Variants in RFX7 observed in about 807,000 individuals in gnomAD.
RFX7 encodes DNA-binding protein RFX7.
RFX7 carries 26 observed loss-of-function variants against 111.8 expected under a neutral mutation model. The observed-to-expected ratio is 0.23, with a 90% CI of 0.17 to 0.32. The LOEUF (loss-of-function observed/expected upper bound fraction) is 0.32, where lower values mean the gene tolerates loss of function less well. RFX7 is among the 10% of genes least tolerant of loss of function. RFX7 has a pLI of 1.00. For synonymous variants in RFX7, 624 were observed against 624.4 expected, an observed-to-expected ratio of 1.00 and a Z score of 0.01; for missense variants, 1,573 against 1,772.9, an observed-to-expected ratio of 0.89 and a Z score of 2.02.
At chr15:56,156,564 TGA>T (rs1368513788) in intron 3 of RFX7, among the ~76,000 whole-genome samples, 1 of 152,068 alleles carries the variant, frequency 6.6e-6, no homozygotes, top group Non-Finnish European at 1.5e-5. Flanking sequence ...TGGCCTTGTG[TGA>T]GAGTTTTTTC....
At chr15:56,122,270 G>T (rs1317015946) in intron 5 of RFX7, among the ~76,000 whole-genome samples, 1 of 152,084 alleles carries the variant, frequency 6.6e-6, no homozygotes, top group Non-Finnish European at 1.5e-5. Flanking sequence ...TGTGGTTCTT[G>T]CAGATTCACA....
At chr15:56,151,989 T>C (rs1224367206) in intron 3 of RFX7, among the ~76,000 whole-genome samples, 3 of 152,164 alleles carry the variant, frequency 2.0e-5, no homozygotes, top group African/African-American at 7.2e-5. Context: ...AAGGGAACAA[T>C]GTAGCAAGAA....
intron 5 of RFX7, among the ~76,000 whole-genome samples, chr15:56,104,843 A>G (rs1323977571): frequency 6.6e-6 from 1 of 152,190 alleles, no homozygotes; most frequent in Non-Finnish European, 1.5e-5. Flanking sequence ...CACATCACCA[A>G]CAATGCTACG....
At chr15:56,167,553 A>G (rs188747810) in intron 3 of RFX7, among the ~76,000 whole-genome samples, 45 of 152,332 alleles carry the variant, frequency 3.0e-4, no homozygotes, top group African/African-American at 1.1e-3. Context: ...ATGACATTAT[A>G]CATCTAAAAA....
intron 5 of RFX7, among the ~76,000 whole-genome samples, chr15:56,131,110 T>TA (rs200498255): frequency 0.14 from 19,652 of 142,018 alleles, 1,625 homozygotes; most frequent in East Asian, 0.44. Context: ...AAAGATAGCA[T>TA]AAAAAAAAAA....
At chr15:56,243,068 CTTTG>C in intron 2 of RFX7, 53 bp downstream of exon 2, 13 of 1,244,918 alleles carry the variant, frequency 1.0e-5, no homozygotes, top group African/African-American at 1.5e-5. Flanking sequence ...CCCCCACCCA[CTTTG>C]CAGCAGAAAT....
At chr15:56,195,973 T>C (rs912253513) in intron 2 of RFX7, among the ~76,000 whole-genome samples, 1 of 152,170 alleles carries the variant, frequency 6.6e-6, no homozygotes, top group African/African-American at 2.4e-5. Flanking sequence ...ATTGATTTTA[T>C]TGTTGTTCTA....
chr15:56,113,414 C>A (rs555679187), intron 5 of RFX7, among the ~76,000 whole-genome samples: 1 of 152,298 alleles, frequency 6.6e-6, no homozygotes, highest in African/African-American at 2.4e-5. Flanking sequence ...AAACCAAACA[C>A]TGCATGTTCT....
intron 2 of RFX7, among the ~76,000 whole-genome samples, chr15:56,215,738 A>G (rs1324918630): frequency 6.6e-6 from 1 of 152,208 alleles, no homozygotes; most frequent in East Asian, 1.9e-4. Flanking sequence ...ATTGCTGTAT[A>G]ATAAACTACT....
intron 3 of RFX7, among the ~76,000 whole-genome samples, chr15:56,164,731 T>C (rs2042763619): frequency 6.6e-6 from 1 of 152,198 alleles, no homozygotes; most frequent in African/African-American, 2.4e-5. Context: ...TTTTAGGTTT[T>C]AGATTTTTGT....
chr15:56,148,755 G>A (rs1183630276), intron 3 of RFX7, among the ~76,000 whole-genome samples: 1 of 152,122 alleles, frequency 6.6e-6, no homozygotes, highest in African/African-American at 2.4e-5. Context: ...TCTGATCACA[G>A]TGATGTAATT....
intron 3 of RFX7, among the ~76,000 whole-genome samples, chr15:56,166,696 C>G (rs2042786426): frequency 6.6e-6 from 1 of 152,090 alleles, no homozygotes; most frequent in African/African-American, 2.4e-5. Flanking sequence ...CATGTAGCAG[C>G]TGATAAAGCA....
In RFX7 at chr15:56,231,568, T is replaced by G. The variant is rs527324986; in HGVS notation, c.161+11557A>C. Among the ~76,000 whole-genome samples the G allele has an allele frequency of 1.7e-3, 256 of 152,232 alleles. 1 individual carries two copies. The highest frequency in any genetic ancestry group is 2.6e-3 in the Non-Finnish European group (174 of 68,000). On this transcript the variant is annotated intron_variant, in intron 2 of 9. Transcript: ENST00000559447. ...AGTCCCTCCCACAACACATGGGAATTATGGAAGCTAAATTTAAGATAAGAT... is the reference window on the plus strand; with the variant it reads ...AGTCCCTCCCACAACACATGGGAATGATGGAAGCTAAATTTAAGATAAGAT...
chr15:56,097,569 T>TA (rs1217073096), intron 9 of RFX7, among the ~76,000 whole-genome samples: 1 of 151,634 alleles, frequency 6.6e-6, no homozygotes, highest in Non-Finnish European at 1.5e-5. Flanking sequence ...CCTGGCCAAC[T>TA]AAAAATACAA....
intron 5 of RFX7, among the ~76,000 whole-genome samples, chr15:56,117,526 A>G (rs1400811793): frequency 6.6e-6 from 1 of 152,152 alleles, no homozygotes; most frequent in Admixed American, 6.5e-5. Context: ...GCACTACTTG[A>G]AAGTATACAC....
intron 2 of RFX7, among the ~76,000 whole-genome samples, chr15:56,227,531 T>A (rs779441166): frequency 3.3e-5 from 5 of 152,194 alleles, no homozygotes; most frequent in Non-Finnish European, 5.9e-5. Context: ...TTAACAAATT[T>A]TTTTTATTGG....
At chr15:56,141,823 C>G (rs2042403370) in intron 5 of RFX7, among the ~76,000 whole-genome samples, 1 of 151,276 alleles carries the variant, frequency 6.6e-6, no homozygotes, top group African/African-American at 2.4e-5. Context: ...TCAGTTTTAA[C>G]CTTTGTAAAG....
chr15:56,198,492 A>T (rs1376607554), intron 2 of RFX7, among the ~76,000 whole-genome samples: 1 of 152,172 alleles, frequency 6.6e-6, no homozygotes. Flanking sequence ...TCTCTATTTA[A>T]CTACCAATTT....
intron 2 of RFX7, among the ~76,000 whole-genome samples, chr15:56,184,080 T>A (rs1221304977): frequency 6.6e-6 from 1 of 151,734 alleles, no homozygotes; most frequent in Non-Finnish European, 1.5e-5. Context: ...GAATGCAGTA[T>A]GCCATCGCGG....
Sources: allele counts gnomAD v4.1 joint callset (sites outside exome capture counted in the v4.1 genomes callset), GRCh38; gene constraint gnomAD v4.1.1; transcripts MANE v1.5; gene names NCBI Gene and HGNC (gene_info 2026-07-23, HGNC 2026-07-21).